CNTNAP2: variants seen among roughly 807,000 people sequenced by gnomAD.
CNTNAP2 encodes contactin-associated protein-like 2.
CNTNAP2 carries 98 observed loss-of-function variants against 155.2 expected under a neutral mutation model. The observed-to-expected ratio is 0.63, with a 90% CI of 0.54 to 0.75. CNTNAP2 has a LOEUF of 0.75. Among genes scored for constraint, CNTNAP2 ranks in the 30% least tolerant of loss-of-function variants. The pLI, the probability that CNTNAP2 is intolerant of heterozygous loss-of-function variation, is 0.00. For missense variants in CNTNAP2, 1,727 were observed against 1,688.1 expected, an observed-to-expected ratio of 1.02 and a Z score of -0.40; for synonymous variants, 651 against 631.2, an observed-to-expected ratio of 1.03 and a Z score of -0.47.
chr7:146,695,548 C>A (rs555726390), intron 1 of CNTNAP2, among the ~76,000 whole-genome samples: 3 of 151,840 alleles, frequency 2.0e-5, no homozygotes, highest in Non-Finnish European at 4.4e-5. Context: ...CCATGCAGAA[C>A]TATAGGCCCA....
At position 146,693,435 on chromosome 7, in the gene CNTNAP2, G is replaced by GT. The variant is rs201781081; in HGVS notation, c.98-80830dup. Among the ~76,000 whole-genome samples, 1,193 of 151,864 alleles carry GT rather than the reference G, an allele frequency of 7.9e-3. 19 individuals carry two copies. The highest frequency in any genetic ancestry group is 0.078 in the East Asian group (399 of 5,148). ...TCTTACTCTCTATATGTGTTTTGAG[G>GT]TTTTTTCTTTGATTTTCTTATTGTA... On this transcript the variant is annotated intron_variant, in intron 1 of 23. Coordinates refer to ENST00000361727, the MANE Select transcript of CNTNAP2 (RefSeq NM_014141.6).
chr7:146,492,988 T>C (rs1281967864), intron 1 of CNTNAP2, among the ~76,000 whole-genome samples: 1 of 152,190 alleles, frequency 6.6e-6, no homozygotes, highest in Non-Finnish European at 1.5e-5. Flanking sequence ...TGTGATGTAA[T>C]GAATACTTGA....
intron 1 of CNTNAP2, among the ~76,000 whole-genome samples, chr7:146,411,814 T>TTTTA (rs1554429852): frequency 6.7e-4 from 78 of 117,078 alleles, no homozygotes; most frequent in African/African-American, 4.1e-3. Flanking sequence ...TTTTATTTTA[T>TTTTA]TTTATTTATT....
At chr7:146,626,529 G>A (rs1324876912) in intron 1 of CNTNAP2, among the ~76,000 whole-genome samples, 2 of 152,066 alleles carry the variant, frequency 1.3e-5, no homozygotes, top group Non-Finnish European at 2.9e-5. Context: ...TGATAAGAAA[G>A]GATTGTGTGT....
chr7:148,040,169 A>G (rs1314794957), intron 15 of CNTNAP2, among the ~76,000 whole-genome samples: 1 of 152,258 alleles, frequency 6.6e-6, no homozygotes, highest in African/African-American at 2.4e-5. Context: ...AATTTCTAAA[A>G]TAAAACCATG....
At chr7:147,091,949 C>T (rs1374206037) in intron 4 of CNTNAP2, among the ~76,000 whole-genome samples, 2 of 152,128 alleles carry the variant, frequency 1.3e-5, no homozygotes, top group African/African-American at 2.4e-5. Flanking sequence ...CCATGTCAGT[C>T]AGGATGGTGT....
At chr7:146,454,215 A>C (rs1239615028) in intron 1 of CNTNAP2, among the ~76,000 whole-genome samples, 2 of 152,192 alleles carry the variant, frequency 1.3e-5, no homozygotes, top group Non-Finnish European at 2.9e-5. Flanking sequence ...TTATCAAATA[A>C]AATCATTTCT....
chr7:147,697,921 T>C lies in CNTNAP2; in HGVS notation c.2098+58615T>C, dbSNP rs1204816939. Reference sequence around the variant, plus strand: ...GGCAGACTCCTGGAGAGGAAACTTGTAGAAGTGTGAGGACCCCCTATGACT... The same window carrying C: ...GGCAGACTCCTGGAGAGGAAACTTGCAGAAGTGTGAGGACCCCCTATGACT... On this transcript the variant is annotated intron_variant, in intron 13 of 23. Transcript: ENST00000361727. Among the ~76,000 whole-genome samples, 6 of 152,216 alleles carry C rather than the reference T, an allele frequency of 3.9e-5. 1 individual carries two copies. Among genetic ancestry groups the C allele is most frequent in the African/African-American group, 7.2e-5 (3 of 41,456 alleles).
At chr7:146,574,101 G>C (rs1002966217) in intron 1 of CNTNAP2, among the ~76,000 whole-genome samples, 3 of 152,118 alleles carry the variant, frequency 2.0e-5, no homozygotes, top group Non-Finnish European at 2.9e-5. Context: ...GACAGGATTC[G>C]AGTCTGGAGA....
intron 1 of CNTNAP2, among the ~76,000 whole-genome samples, chr7:146,316,209 A>G (rs889381096): frequency 6.6e-6 from 1 of 152,078 alleles, no homozygotes; most frequent in Non-Finnish European, 1.5e-5. Context: ...TTGTTCCTAT[A>G]TACCCCAAAT....
chr7:147,380,396 C>T (rs571145608), intron 9 of CNTNAP2, among the ~76,000 whole-genome samples: 8 of 152,038 alleles, frequency 5.3e-5, no homozygotes, highest in Admixed American at 3.9e-4. Context: ...CATGTAAAAC[C>T]ATCTTATTTA....
chr7:146,439,130 T>C (rs1370597343), intron 1 of CNTNAP2, among the ~76,000 whole-genome samples: 1 of 151,586 alleles, frequency 6.6e-6, no homozygotes, highest in Non-Finnish European at 1.5e-5. Flanking sequence ...ATCTGTTCTC[T>C]TTTTTAAAAC....
intron 2 of CNTNAP2, among the ~76,000 whole-genome samples, chr7:146,807,648 C>G (rs974591045): frequency 6.6e-6 from 1 of 151,946 alleles, no homozygotes; most frequent in Non-Finnish European, 1.5e-5. Context: ...ACCAGCTGAG[C>G]CTTCTCTCCT....
chr7:146,458,146 G>A (rs182761519), intron 1 of CNTNAP2, among the ~76,000 whole-genome samples: 1 of 152,048 alleles, frequency 6.6e-6, no homozygotes, highest in Non-Finnish European at 1.5e-5. Flanking sequence ...GCCTGTCAGG[G>A]GTATGTGGGG....
intron 13 of CNTNAP2, among the ~76,000 whole-genome samples, chr7:147,669,602 C>T (rs998428185): frequency 2.6e-5 from 4 of 152,150 alleles, no homozygotes; most frequent in South Asian, 2.1e-4. Context: ...TATTGGTAGT[C>T]GTTACTGGTA....
At chr7:146,249,106 G>A (rs1563007491) in intron 1 of CNTNAP2, among the ~76,000 whole-genome samples, 1 of 152,064 alleles carries the variant, frequency 6.6e-6, no homozygotes, top group African/African-American at 2.4e-5. Flanking sequence ...GGCAGGAACA[G>A]GCCATTTTCA....
At chr7:146,672,919 C>G (rs949544179) in intron 1 of CNTNAP2, among the ~76,000 whole-genome samples, 7 of 152,042 alleles carry the variant, frequency 4.6e-5, no homozygotes, top group African/African-American at 1.4e-4. Flanking sequence ...TATTTTGTAA[C>G]TTAAATGTAT....
rs1221514912 is a variant in CNTNAP2, at chr7:147,775,260, A to AATATAT, written c.2099-128304_2099-128299dup. On this transcript the variant is annotated intron_variant, in intron 13 of 23. Transcript: ENST00000361727. The stretch of plus-strand genomic sequence containing the variant: ...ATATATATTTATATATATATTTATA[A>AATATAT]ATATATTTATATATATATTTATAAA... Among the ~76,000 whole-genome samples the AATATAT allele has an allele frequency of 5.6e-5, 5 of 89,604 alleles. No individual in the cohort carries two copies. In the East Asian group the frequency reaches 8.4e-4, roughly 15 times the overall value. 58.8% of individuals were successfully genotyped at this position (89,604 alleles called of 152,430 possible).
intron 1 of CNTNAP2, among the ~76,000 whole-genome samples, chr7:146,151,637 T>TATATATATATATATATAC (rs1798040447): frequency 6.5e-5 from 1 of 15,308 alleles, no homozygotes; most frequent in African/African-American, 2.3e-4. Context: ...GAAAACGTGA[T>TATATATATATATATATAC]ATATATATAT....
Sources: gnomAD v4.1 joint callset for allele counts (sites outside exome capture counted in the v4.1 genomes callset) on GRCh38, gnomAD v4.1.1 for gene constraint, MANE v1.5 for transcripts, NCBI Gene and HGNC (gene_info 2026-07-23, HGNC 2026-07-21) for gene names.